Variants in GP6 observed in about 807,000 individuals in gnomAD.
GP6 encodes platelet glycoprotein VI.
Under a neutral mutation model 37.3 loss-of-function variants are expected in GP6, and 45 were observed. The ratio of observed to expected loss-of-function variants is 1.21; its 90% CI spans 0.95 to 1.55. The LOEUF (loss-of-function observed/expected upper bound fraction) is 1.55. Ranked by LOEUF, GP6 falls within the 40% of genes most tolerant of loss-of-function variation. The probability of loss-of-function intolerance (pLI) is 0.00; values close to 1 mark genes in which losing one functional copy is unlikely to be tolerated. For missense variants in GP6, 813 were observed against 760.2 expected (o/e 1.07, Z -0.82); for synonymous variants, 340 against 316.4 (o/e 1.07, Z -0.79).
intron 1 of GP6, among the ~76,000 whole-genome samples, chr19:55,037,335 A>ATT (rs200634689): frequency 1.4e-5 from 2 of 138,274 alleles, no homozygotes; most frequent in African/African-American, 2.7e-5. Flanking sequence ...CAATTCCACA[A>ATT]TTTTTTTTTT....
intron 3 of GP6, among the ~76,000 whole-genome samples, chr19:55,029,357 TATATATATATATATA>T (rs2074463267): frequency 3.0e-4 from 1 of 3,290 alleles, no homozygotes; most frequent in African/African-American, 1.3e-3. Context: ...TATATATATA[TATATATATATATATA>T]TATTTTTTTT....
intron 6 of GP6, among the ~76,000 whole-genome samples, chr19:55,017,317 A>T (rs1309995712): frequency 6.6e-6 from 1 of 151,942 alleles, no homozygotes; most frequent in Non-Finnish European, 1.5e-5. Context: ...GGGTTTCAGC[A>T]TGTTGGCCAG....
intron 1 of GP6, among the ~76,000 whole-genome samples, chr19:55,033,433 G>T (rs1460176399): frequency 5.1e-3 from 672 of 132,574 alleles, no homozygotes; most frequent in Middle Eastern, 0.014. Context: ...TAGACGCGGT[G>T]GGCTCGTTCG....
In GP6 at chr19:55,014,942, G is replaced by T. The variant is rs746782553; in HGVS notation, c.1003C>A (p.Gln335Lys). ...GCGGTCATGAACATAACCCGCGGCT[G>T]TGAACATCCTGTCGGCCTCCATCCT... The change falls in exon 8 of 8, where the codon CAG (glutamine) becomes AAG (lysine). Residue 335 changes from glutamine (Q) to lysine (K), a missense_variant. By Grantham distance (53) the Gln-to-Lys change is moderately conservative. Transcript: ENST00000310373. 2 of 1,613,684 alleles carry T rather than the reference G, an allele frequency of 1.2e-6. No individual in the cohort carries two copies. Among genetic ancestry groups the T allele is most frequent in the East Asian group, 4.5e-5 (2 of 44,874 alleles).
intron 5 of GP6, 50 bp from the exon 6 acceptor site, chr19:55,018,761 C>G: frequency 8.5e-7 from 1 of 1,179,502 alleles, no homozygotes; most frequent in East Asian, 2.3e-5. Context: ...CCTATATCCT[C>G]TAGATATCTC....
intron 4 of GP6, among the ~76,000 whole-genome samples, chr19:55,026,779 G>A (rs1568620087): frequency 1.3e-5 from 2 of 151,750 alleles, no homozygotes; most frequent in South Asian, 2.1e-4. Context: ...CCAGCTACTC[G>A]AGAGGCTGAG....
intron 4 of GP6, among the ~76,000 whole-genome samples, chr19:55,025,767 C>T (rs191443529): frequency 1.7e-4 from 26 of 151,002 alleles, no homozygotes; most frequent in Admixed American, 1.5e-3. Flanking sequence ...TTTGAGAGGC[C>T]GAGGCAGGCA....
chr19:55,035,382 T>C (rs1342047873), intron 1 of GP6, among the ~76,000 whole-genome samples: 1 of 152,158 alleles, frequency 6.6e-6, no homozygotes, highest in Non-Finnish European at 1.5e-5. Flanking sequence ...CTGTAGTTAA[T>C]AACAACATAT....
At chr19:55,028,498 G>A (rs957393204) in intron 3 of GP6, among the ~76,000 whole-genome samples, 5 of 152,136 alleles carry the variant, frequency 3.3e-5, no homozygotes, top group African/African-American at 1.2e-4. Context: ...TAGATTATAA[G>A]TATTCTCACA....
chr19:55,024,448 C>G (rs2074229207), intron 5 of GP6, among the ~76,000 whole-genome samples: 1 of 152,152 alleles, frequency 6.6e-6, no homozygotes, highest in African/African-American at 2.4e-5. Flanking sequence ...CCCCGCAAAT[C>G]TCATCCTTAT....
intron 5 of GP6, among the ~76,000 whole-genome samples, chr19:55,021,997 G>GTT (rs932474247): frequency 1.3e-5 from 2 of 148,422 alleles, no homozygotes; most frequent in East Asian, 3.9e-4. Flanking sequence ...CTTTTTAATG[G>GTT]TTTTTTTTTT....
rs775726835 is a variant in GP6 at position 55,027,701 on chromosome 19, C to A, written c.487G>T (p.Ala163Ser). The change falls in exon 4 of 8, where the codon GCT becomes TCT. Residue 163 changes from alanine (A) to serine (S), a missense_variant. Coordinates refer to ENST00000310373, the MANE Select transcript of GP6 (RefSeq NM_001083899.2). ...GTCACCGTGATGATGGGAAAACTAG[C>A]CCTGTACCATCTCTCGGGATTCTTG... The A allele has an allele frequency of 3.1e-6, 5 of 1,613,602 alleles. No individual in the cohort carries two copies. Among genetic ancestry groups the A allele is most frequent in the Middle Eastern group, 1.6e-4 (1 of 6,062 alleles).
chr19:55,023,672 C>G (rs1169211285), intron 5 of GP6, among the ~76,000 whole-genome samples: 1 of 152,146 alleles, frequency 6.6e-6, no homozygotes, highest in East Asian at 1.9e-4. Flanking sequence ...CCAATTAAAC[C>G]TCTTTTCTTA....
At chr19:55,037,621 G>A (rs2074882624) in intron 1 of GP6, among the ~76,000 whole-genome samples, 1 of 93,588 alleles carries the variant, frequency 1.1e-5, no homozygotes, top group Non-Finnish European at 2.1e-5. Context: ...ATGGCACTCA[G>A]CCTTTTTTTT....
In GP6 at chr19:55,032,488, G is replaced by T. The variant is rs749915633; in HGVS notation, c.67+18C>A. 9.9e-6 allele frequency: 16 copies of T among 1,613,752 alleles called. No homozygotes were observed. In the East Asian group the frequency reaches 3.6e-4, roughly 36 times the overall value. On this transcript the variant is annotated intron_variant, in intron 2 of 7. Transcript: ENST00000310373. ...TGGCGGATCCCGCAGGAGGGAAGGGGTCTGGGGAAGGACTCACCACTCTGC... is the reference window on the plus strand; with the variant it reads ...TGGCGGATCCCGCAGGAGGGAAGGGTTCTGGGGAAGGACTCACCACTCTGC...
Position 55,020,012 on chromosome 19 carries a change from A to T in GP6, c.665-1301T>A, listed in dbSNP as rs138183164. ...TCTTAACCAGGGGCCTCCTGAGGCC[A>T]CCAAAATATTCCTGAACTGCCTCAG... is the stretch of plus-strand genomic sequence containing the variant. On this transcript the variant is annotated intron_variant, in intron 5 of 7. Coordinates refer to ENST00000310373, the MANE Select transcript of GP6 (RefSeq NM_001083899.2). Among the ~76,000 whole-genome samples, 338 of 152,154 alleles carry T rather than the reference A, an allele frequency of 2.2e-3. 1 individual carries two copies. The highest frequency in any genetic ancestry group is 7.5e-3 in the African/African-American group (311 of 41,528).
At chr19:55,026,574 T>C (rs2886412) in intron 4 of GP6, among the ~76,000 whole-genome samples, 115,454 of 152,092 alleles carry the variant, frequency 0.76, 44,610 homozygotes, top group Middle Eastern at 0.84. Context: ...ATGCTGCTCT[T>C]TTTTGAAAGA....
At chr19:55,019,176 G>A (rs887126715) in intron 5 of GP6, among the ~76,000 whole-genome samples, 4 of 146,710 alleles carry the variant, frequency 2.7e-5, no homozygotes, top group Non-Finnish European at 5.9e-5. Context: ...CGCGATCTCA[G>A]CTCACTGCAA....
intron 1 of GP6, among the ~76,000 whole-genome samples, chr19:55,037,642 T>TTC (rs1176645087): frequency 5.1e-5 from 7 of 136,608 alleles, no homozygotes; most frequent in Non-Finnish European, 9.5e-5. Context: ...TTTTTTTTTT[T>TTC]TTTTTTTTGA....
Sources: allele counts gnomAD v4.1 joint callset (sites outside exome capture counted in the v4.1 genomes callset), GRCh38; gene constraint gnomAD v4.1.1; transcripts MANE v1.5; gene names NCBI Gene and HGNC (gene_info 2026-07-23, HGNC 2026-07-21).